ANKRD34B: variants seen among roughly 807,000 people sequenced by gnomAD.
ANKRD34B encodes the protein ankyrin repeat domain 34B, also known as ankyrin repeat domain-containing protein 34B.
ANKRD34B carries 2 observed loss-of-function variants against 4.4 expected under a neutral mutation model. The observed-to-expected ratio is 0.46, with a 90% CI of 0.19 to 1.44. The LOEUF (loss-of-function observed/expected upper bound fraction) is 1.44, where lower values mean the gene tolerates loss of function less well. ANKRD34B is among the 40% of genes most tolerant of loss of function. The pLI is 0.26. For synonymous variants in ANKRD34B, 226 were observed against 227.1 expected (o/e 0.99, Z 0.05); for missense variants, 558 against 604.7 (o/e 0.92, Z 0.81).
Position 80,558,276 on chromosome 5 carries a change from G to A in ANKRD34B, c.*199C>T, listed in dbSNP as rs918653157. ...GAAAAATCGCTTTCCTTTTGTTTGA[G>A]AGAATTCCCTTAACAGAAACTATGT... On this transcript the variant is annotated 3_prime_UTR_variant, in exon 5 of 5. Coordinates refer to ENST00000338682, the MANE Select transcript of ANKRD34B (RefSeq NM_001004441.3). 8 of 419,754 alleles carry A rather than the reference G, an allele frequency of 1.9e-5. No homozygotes were observed. Among genetic ancestry groups the A allele is most frequent in the African/African-American group, 1.6e-4 (8 of 49,290 alleles). 26.0% of individuals were successfully genotyped at this position (419,754 alleles called of 1,614,324 possible).
chr5:80,564,184 ATT>A, intron 3 of ANKRD34B, among the ~76,000 whole-genome samples: 1 of 152,122 alleles, frequency 6.6e-6, no homozygotes, highest in South Asian at 2.1e-4. Flanking sequence ...TAAATATTTT[ATT>A]TTATTTTTTG....
chr5:80,570,075 G>GA (rs1219070051), intron 1 of ANKRD34B, 79 bp downstream of exon 1: 3 of 152,450 alleles, frequency 2.0e-5, no homozygotes, highest in Non-Finnish European at 2.9e-5. Context: ...CTGCGCCCTC[G>GA]ATGTCCTCCT....
intron 4 of ANKRD34B, among the ~76,000 whole-genome samples, chr5:80,561,145 AT>A (rs1412264612): frequency 1.3e-5 from 2 of 152,340 alleles, no homozygotes; most frequent in African/African-American, 2.4e-5. Context: ...AAACTAAAAA[AT>A]ATTTATGTTT....
At chr5:80,567,637 G>A (rs249205) in intron 2 of ANKRD34B, among the ~76,000 whole-genome samples, 21,244 of 84,580 alleles carry the variant, frequency 0.25, 5,394 homozygotes, top group East Asian at 0.68. Flanking sequence ...AAAAAAAAAA[G>A]AAAAGAAAAG....
rs1335921398 is a variant in ANKRD34B, at chr5:80,558,396, T to C, written c.*79A>G. 8.7e-7 allele frequency: 1 copy of C among 1,155,826 alleles called. No individual in the cohort carries two copies. Among genetic ancestry groups the C allele is most frequent in the Non-Finnish European group, 1.2e-6 (1 of 822,076 alleles). 71.6% of individuals were successfully genotyped at this position (1,155,826 alleles called of 1,614,324 possible). On this transcript the variant is annotated 3_prime_UTR_variant, in exon 5 of 5. Coordinates refer to ENST00000338682, the MANE Select transcript of ANKRD34B (RefSeq NM_001004441.3). ...TAACCAATCACGAGATTTAAAAGAA[T>C]GAACATTTAAGATTTCTTCTCTAGT...
rs1746341926 is a variant in ANKRD34B, at chr5:80,559,199, T to C, written c.821A>G (p.Glu274Gly). ...ATTGGTTTTATAGGATAGTTCTTCC[T>C]CTGGTGTAATATCCTGGAGCTCCTC... ...LQEELQDITP[E>G]EELSYKTNGL... The change falls in exon 5 of 5, where the codon GAG becomes GGG. Residue 274 changes from glutamate (E) to glycine (G), a missense_variant. Transcript: ENST00000338682. 6.2e-7 allele frequency: 1 copy of C among 1,614,078 alleles called. No individual in the cohort carries two copies. The highest frequency in any genetic ancestry group is 8.5e-7 in the Non-Finnish European group (1 of 1,180,042).
intron 3 of ANKRD34B, among the ~76,000 whole-genome samples, chr5:80,564,717 T>TC (rs1477612960): frequency 6.7e-6 from 1 of 149,686 alleles, no homozygotes. Context: ...TTTTTTTTTT[T>TC]TTTTTGAGAT....
chr5:80,563,491 T>G (rs1746465542), intron 4 of ANKRD34B, among the ~76,000 whole-genome samples: 1 of 152,156 alleles, frequency 6.6e-6, no homozygotes, highest in African/African-American at 2.4e-5. Flanking sequence ...TTTAAAAGAG[T>G]CATTCAGTTC....
At chr5:80,561,647 G>T (rs745628526) in intron 4 of ANKRD34B, among the ~76,000 whole-genome samples, 2 of 152,156 alleles carry the variant, frequency 1.3e-5, no homozygotes, top group Non-Finnish European at 2.9e-5. Flanking sequence ...ACAGAGTCAG[G>T]AGAGCACAGA....
rs566391962 is a variant in ANKRD34B, at chr5:80,567,220, C to A, written c.-190-446G>T. Among the ~76,000 whole-genome samples, 26 of 152,240 alleles carry A rather than the reference C, an allele frequency of 1.7e-4. 1 individual carries two copies. In the South Asian group the frequency reaches 5.2e-3, roughly 30 times the overall value. On this transcript the variant is annotated intron_variant, in intron 2 of 4. Coordinates refer to ENST00000338682, the MANE Select transcript of ANKRD34B (RefSeq NM_001004441.3). ...CTGATTTGTGTGTTATCTCACATGGCAGTGCTGCATGAGCTGAGGTGCTTG... is the reference window on the plus strand; with the variant it reads ...CTGATTTGTGTGTTATCTCACATGGAAGTGCTGCATGAGCTGAGGTGCTTG...
At chr5:80,563,839 G>C (rs1746482181) in intron 3 of ANKRD34B, 24 bp from the exon 4 acceptor site, 1 of 152,182 alleles carries the variant, frequency 6.6e-6, no homozygotes, top group Non-Finnish European at 1.5e-5. Flanking sequence ...ACATGAGACA[G>C]TGATCACAAA....
chr5:80,569,272 C>T (rs989822831), intron 1 of ANKRD34B, among the ~76,000 whole-genome samples, 165 bp from the exon 2 acceptor site: 11 of 152,164 alleles, frequency 7.2e-5, no homozygotes, highest in Non-Finnish European at 1.5e-4. Context: ...CGCTGCGGAG[C>T]GGTCCCTGCG....
intron 3 of ANKRD34B, among the ~76,000 whole-genome samples, chr5:80,565,340 C>T (rs1746533545): frequency 6.6e-6 from 1 of 152,248 alleles, no homozygotes; most frequent in Non-Finnish European, 1.5e-5. Flanking sequence ...CCTGATTGGA[C>T]ACTGAGTGCT....
intron 4 of ANKRD34B, among the ~76,000 whole-genome samples, chr5:80,562,580 G>C (rs1391266112): frequency 1.3e-5 from 2 of 152,204 alleles, no homozygotes; most frequent in Non-Finnish European, 2.9e-5. Context: ...CACGCCCTCA[G>C]CCCTCAGGGA....
intron 3 of ANKRD34B, among the ~76,000 whole-genome samples, chr5:80,565,172 T>G (rs1362966803): frequency 2.0e-5 from 3 of 152,252 alleles, no homozygotes; most frequent in Admixed American, 2.0e-4. Flanking sequence ...TCTTTAGCCC[T>G]TCATCCTTTT....
chr5:80,569,313 C>T (rs1746682485), intron 1 of ANKRD34B, among the ~76,000 whole-genome samples: 1 of 152,174 alleles, frequency 6.6e-6, no homozygotes, highest in Non-Finnish European at 1.5e-5. Flanking sequence ...CGCGGCCCTC[C>T]CTTGGGAAAT....
chr5:80,565,772 A>C (rs1746546509), intron 3 of ANKRD34B, among the ~76,000 whole-genome samples: 1 of 152,152 alleles, frequency 6.6e-6, no homozygotes, highest in Non-Finnish European at 1.5e-5. Flanking sequence ...TTTTTTAAGG[A>C]TCTCATATTT....
chr5:80,560,050 T>C lies in ANKRD34B; in HGVS notation c.-23-8A>G, dbSNP rs185775880. On this transcript the variant is annotated splice_polypyrimidine_tract_variant and splice_region_variant and intron_variant, in intron 4 of 4. Transcript: ENST00000338682. ...GAGGTTAGAACTCAATACCTGGTTA[T>C]CAAAGATGGCAAAGACCAAAAGATT... The C allele has an allele frequency of 1.6e-4, 230 of 1,468,700 alleles. No individual in the cohort carries two copies. In the African/African-American group the frequency reaches 3.0e-3, roughly 19 times the overall value. The allele number at this position is 1,468,700 out of a possible 1,614,324, so 91.0% of individuals were successfully genotyped here.
In ANKRD34B at chr5:80,569,227, G is replaced by C. The variant is rs561608004; in HGVS notation, c.-338-120C>G. 1.1e-3 allele frequency: 169 copies of C among 152,466 alleles called. 6 individuals are homozygous for C. The South Asian group carries it at 0.034, about 30-fold the overall frequency. The allele number at this position is 152,466 out of a possible 1,614,324, so 9.4% of individuals were successfully genotyped here. ...GGGCAGGCAGCTGGCGGGCTAAGGC[G>C]ATCACCATCCATGAAAACGGGTTCT... On this transcript the variant is annotated intron_variant, in intron 1 of 4. Coordinates refer to ENST00000338682, the MANE Select transcript of ANKRD34B (RefSeq NM_001004441.3).
Sources: gnomAD v4.1 joint callset for allele counts (sites outside exome capture counted in the v4.1 genomes callset) on GRCh38, gnomAD v4.1.1 for gene constraint, MANE v1.5 for transcripts, NCBI Gene and HGNC (gene_info 2026-07-23, HGNC 2026-07-21) for gene names.